Variants in NCSTN observed in about 807,000 individuals in gnomAD.
NCSTN encodes anterior pharynx-defective 2.
In NCSTN, 22 loss-of-function variants were observed where a neutral mutation model predicts 87.0. The observed-to-expected ratio is 0.25, with a 90% CI of 0.18 to 0.36. The LOEUF (loss-of-function observed/expected upper bound fraction) is 0.36. NCSTN is among the 10% of genes least tolerant of loss of function. The pLI is 1.00. For missense variants in NCSTN, 693 were observed against 883.3 expected, an observed-to-expected ratio of 0.78 and a Z score of 2.73; for synonymous variants, 306 against 327.1, an observed-to-expected ratio of 0.94 and a Z score of 0.69.
At chr1:160,353,283 T>A (rs772530661) in intron 10 of NCSTN, 46 bp downstream of exon 10, 8 of 1,613,730 alleles carry the variant, frequency 5.0e-6, no homozygotes, top group Non-Finnish European at 6.8e-6. Flanking sequence ...CAGCTCAGAA[T>A]CCAGACCCCA....
In NCSTN at chr1:160,357,102, G is replaced by C. The variant is rs201152756; in HGVS notation, c.1856G>C (p.Arg619Pro). 2 of 1,614,070 alleles carry C rather than the reference G, an allele frequency of 1.2e-6. No homozygotes were observed. The highest frequency in any genetic ancestry group is 1.7e-6 in the Non-Finnish European group (2 of 1,180,022). The part of the protein sequence containing the change: ...LHSNETDRLP[R>P]CVRSTARLAR... The stretch of plus-strand genomic sequence containing the variant: ...TCTAATGAGACGGACCGACTCCCCC[G>C]GTGTGTGCGTTCTACTGCACGATTA... Residue 619 changes from arginine (R) to proline (P), a missense_variant, in exon 16 of 17, where the codon CGG becomes CCG. Physicochemically the swap from Arg to Pro is moderately radical, Grantham distance 103. Coordinates refer to ENST00000294785, the MANE Select transcript of NCSTN (RefSeq NM_015331.3).
intron 4 of NCSTN, 99 bp downstream of exon 4, chr1:160,349,769 G>A: frequency 6.6e-7 from 1 of 1,512,136 alleles, no homozygotes; most frequent in Non-Finnish European, 9.1e-7. Context: ...GTTTGTGTCT[G>A]TGTGTAGTGT....
rs774299398 is a variant in NCSTN at position 160,349,498 on chromosome 1, G to T, written c.315-51G>T. ...TTCCATCCTGCAGGCAGAATGTCAG[G>T]CTGTCTGATACCTTCCTGTGTTCCT... On this transcript the variant is annotated intron_variant, in intron 3 of 16. Transcript: ENST00000294785. 19 of 1,612,682 alleles carry T rather than the reference G, an allele frequency of 1.2e-5. No individual in the cohort carries two copies. In the East Asian group the frequency reaches 4.0e-4, roughly 34 times the overall value.
intron 16 of NCSTN, 71 bp from the exon 17 acceptor site, chr1:160,358,074 CCAAA>C (rs1649224615): frequency 1.2e-6 from 2 of 1,608,830 alleles, no homozygotes; most frequent in East Asian, 2.2e-5. Context: ...GCTCCAAACC[CCAAA>C]CAGTTATCCA....
intron 7 of NCSTN, 67 bp from the exon 8 acceptor site, chr1:160,351,987 G>A: frequency 6.3e-7 from 1 of 1,580,256 alleles, no homozygotes; most frequent in South Asian, 1.1e-5. Context: ...CTTGACTGGA[G>A]CAAGAAAGGA....
rs1219166608 is a variant in NCSTN, at chr1:160,353,256, C to T, written c.1179+19C>T. ...GAACCAGGTAACCTGAGCATCTCCC[C>T]TCATTTCCTATTCCTACAGCTCAGA... is the stretch of plus-strand genomic sequence containing the variant. On this transcript the variant is annotated intron_variant, in intron 10 of 16. Transcript: ENST00000294785. 1.2e-6 allele frequency: 2 copies of T among 1,614,074 alleles called. 1 individual carries two copies.
In NCSTN at chr1:160,358,636, C is replaced by G. The variant is rs1333783141; in HGVS notation, c.*365C>G. 1 of 344,260 alleles carries G rather than the reference C, an allele frequency of 2.9e-6. No homozygotes were observed. Among genetic ancestry groups the G allele is most frequent in the Admixed American group, 4.0e-5 (1 of 24,754 alleles). 21.3% of individuals were successfully genotyped at this position (344,260 alleles called of 1,614,324 possible). A position where few individuals can be genotyped will look rare whatever the true frequency, so the allele number is the denominator to read the frequency against. On this transcript the variant is annotated 3_prime_UTR_variant, in exon 17 of 17. Coordinates refer to ENST00000294785, the MANE Select transcript of NCSTN (RefSeq NM_015331.3). The stretch of plus-strand genomic sequence containing the variant: ...TGTACCTCTCTCTGCTCCTCACCCC[C>G]ACCCCTGTACCCAGCCACCTTCCTG...
At chr1:160,344,435 G>A in intron 1 of NCSTN, 1 of 1,472,338 alleles carries the variant, frequency 6.8e-7, no homozygotes, top group East Asian at 2.5e-5. Flanking sequence ...GCAAATCTAA[G>A]GTCAAACACC....
intron 5 of NCSTN, 32 bp downstream of exon 5, chr1:160,350,282 G>A: frequency 6.2e-7 from 1 of 1,611,720 alleles, no homozygotes; most frequent in Non-Finnish European, 8.5e-7. Flanking sequence ...AGCAATTCCA[G>A]TTAGAAAGAA....
intron 11 of NCSTN, 67 bp downstream of exon 11, chr1:160,354,357 A>C: frequency 2.6e-6 from 4 of 1,546,164 alleles, no homozygotes; most frequent in Non-Finnish European, 2.7e-6. Context: ...TCTGGGAGGA[A>C]GGTCACTGCC....
chr1:160,349,661 G>C lies in NCSTN; in HGVS notation c.427G>C (p.Asp143His), dbSNP rs2101898992. The change falls in exon 4 of 17, where the codon GAT becomes CAT. Residue 143 changes from aspartate to histidine, a missense_variant. Transcript: ENST00000294785. Reference protein sequence around the residue: ...GFSPSVQCPNDGFGVYSNSYG... With the variant: ...GFSPSVQCPNHGFGVYSNSYG... The stretch of plus-strand genomic sequence containing the variant: ...CTCTCCTAGTGTACAGTGCCCAAAT[G>C]ATGGGTTTGGTAAGTGTCCCAAAGG... 6.2e-7 allele frequency: 1 copy of C among 1,613,920 alleles called. No individual in the cohort carries two copies. The highest frequency in any genetic ancestry group is 1.3e-5 in the African/African-American group (1 of 75,018).
Position 160,357,085 on chromosome 1 carries a change from G to C in NCSTN, c.1839G>C (p.Glu613Asp). 6.2e-7 allele frequency: 1 copy of C among 1,614,064 alleles called. No individual in the cohort carries two copies. Among genetic ancestry groups the C allele is most frequent in the South Asian group, 1.1e-5 (1 of 91,072 alleles). Residue 613 changes from glutamate to aspartate, a missense_variant, in exon 16 of 17, where the codon GAG becomes GAC. This residue lies in a region of NCSTN where 216 missense variants were observed against 311.7 expected (regional missense o/e 0.69). Coordinates refer to ENST00000294785, the MANE Select transcript of NCSTN (RefSeq NM_015331.3). ...TCCAGGGCCCTTTGCATTCTAATGA[G>C]ACGGACCGACTCCCCCGGTGTGTGC... ...SWVQGPLHSNETDRLPRCVRS... is the reference protein window; with the variant it reads ...SWVQGPLHSNDTDRLPRCVRS...
At chr1:160,344,896 A>G in intron 2 of NCSTN, 70 bp downstream of exon 2, 2 of 1,306,438 alleles carry the variant, frequency 1.5e-6, no homozygotes, top group Non-Finnish European at 1.1e-6. Context: ...AGTAACATCC[A>G]TGTCCTGCTT....
At chr1:160,343,584 TC>T (rs1557880281) in intron 1 of NCSTN, 103 bp downstream of exon 1, 3 of 1,060,242 alleles carry the variant, frequency 2.8e-6, no homozygotes, top group Non-Finnish European at 4.3e-6. Flanking sequence ...TGCCCCTCTG[TC>T]CCCCCACCCT....
chr1:160,353,245 G>A lies in NCSTN; in HGVS notation c.1179+8G>A, dbSNP rs1311952395. The A allele has an allele frequency of 1.2e-6, 2 of 1,614,128 alleles. No homozygotes were observed. Among genetic ancestry groups the A allele is most frequent in the Admixed American group, 3.3e-5 (2 of 60,008 alleles). On this transcript the variant is annotated splice_region_variant and intron_variant, in intron 10 of 16. Transcript: ENST00000294785. ...GAGTCTGTACGGAACCAGGTAACCT[G>A]AGCATCTCCCCTCATTTCCTATTCC...
At chr1:160,353,652 C>T (rs1648988196) in intron 10 of NCSTN, 3 of 985,322 alleles carry the variant, frequency 3.0e-6, no homozygotes, top group African/African-American at 1.7e-5. Flanking sequence ...CCTCTAGGTC[C>T]ACCTTTAGGC....
Position 160,354,174 on chromosome 1 carries a change from C to G in NCSTN, c.1236C>G (p.Ile412Met). 6.2e-7 allele frequency: 1 copy of G among 1,614,166 alleles called. No homozygotes were observed. Among genetic ancestry groups the G allele is most frequent in the Non-Finnish European group, 8.5e-7 (1 of 1,180,012 alleles). The change falls in exon 11 of 17, where the codon ATC becomes ATG. Residue 412 changes from isoleucine to methionine, a missense_variant. This residue lies in a region of NCSTN where 108 missense variants were observed against 111.6 expected (regional missense o/e 0.97). Transcript: ENST00000294785. ...GTGGTGCTGGTGTCCCTGCTGTCATCCTCAGGAGGCCAAATCAGTCCCAGC... is the reference window on the plus strand; with the variant it reads ...GTGGTGCTGGTGTCCCTGCTGTCATGCTCAGGAGGCCAAATCAGTCCCAGC... ...EKSGAGVPAV[I>M]LRRPNQSQPL... is the part of the protein sequence containing the mutation.
In NCSTN at chr1:160,352,922, C is replaced by G; in HGVS notation, c.1032C>G (p.Val344=). The G allele has an allele frequency of 1.2e-6, 2 of 1,614,184 alleles. No individual in the cohort carries two copies. Among genetic ancestry groups the G allele is most frequent in the Non-Finnish European group, 1.7e-6 (2 of 1,180,032 alleles). ...TFDYIGSSRM[V]YDMEKGKFPV... is the part of the protein sequence containing the mutation. ...ACTACATTGGCAGCTCGAGGATGGT[C>G]TACGATATGGAGAAGGGCAAGTTTC... The change falls in exon 9 of 17, where the codon GTC becomes GTG. Residue 344 remains valine, a synonymous_variant. Transcript: ENST00000294785.
chr1:160,349,361 C>T, intron 3 of NCSTN, 188 bp from the exon 4 acceptor site: 1 of 986,374 alleles, frequency 1.0e-6, no homozygotes, highest in Non-Finnish European at 1.6e-6. Flanking sequence ...CCCTGGGGTC[C>T]TTACTCACTA....
Sources: allele counts gnomAD v4.1 joint callset, GRCh38; gene constraint gnomAD v4.1.1; regional missense constraint gnomAD v4.1.1; transcripts MANE v1.5; gene names NCBI Gene and HGNC (gene_info 2026-07-23, HGNC 2026-07-21).